The following LRBA variants were observed in gnomAD, a reference collection of about 807,000 sequenced individuals.
The protein encoded by LRBA is lipopolysaccharide-responsive and beige-like anchor protein.
A neutral mutation model predicts 330.0 loss-of-function variants in LRBA; 176 were observed. The ratio of observed to expected loss-of-function variants is 0.53; its 90% confidence interval spans 0.47 to 0.60. The LOEUF (loss-of-function observed/expected upper bound fraction) is 0.60. LRBA is among the 20% of genes least tolerant of loss of function. LRBA has a pLI of 0.00. For missense variants in LRBA, 3,259 were observed against 3,444.8 expected, an observed-to-expected ratio of 0.95 and a Z score of 1.35; for synonymous variants, 1,230 against 1,193.0, an observed-to-expected ratio of 1.03 and a Z score of -0.64.
intron 46 of LRBA, among the ~76,000 whole-genome samples, chr4:150,435,340 GACTC>G (rs1750973923): frequency 6.6e-6 from 1 of 151,902 alleles, no homozygotes; most frequent in Admixed American, 6.6e-5. Context: ...GACAGAGCAA[GACTC>G]TGTCTCCAAA....
At chr4:150,783,148 C>A (rs1738518208) in intron 34 of LRBA, among the ~76,000 whole-genome samples, 2 of 152,180 alleles carry the variant, frequency 1.3e-5, no homozygotes, top group Admixed American at 6.5e-5. Context: ...CTTAAGGCAG[C>A]AGTCCAGATT....
intron 47 of LRBA, among the ~76,000 whole-genome samples, chr4:150,388,518 C>T (rs1319363955): frequency 6.6e-6 from 1 of 152,144 alleles, no homozygotes; most frequent in African/African-American, 2.4e-5. Flanking sequence ...CATCTTTAGG[C>T]AAAATTCCTT....
intron 34 of LRBA, among the ~76,000 whole-genome samples, chr4:150,765,379 G>C (rs1735632872): frequency 6.6e-6 from 1 of 152,058 alleles, no homozygotes; most frequent in East Asian, 1.9e-4. Context: ...CACAACACCA[G>C]AGTGAACCCT....
At chr4:151,006,178 C>A (rs1007742886) in intron 2 of LRBA, among the ~76,000 whole-genome samples, 1 of 151,988 alleles carries the variant, frequency 6.6e-6, no homozygotes, top group Non-Finnish European at 1.5e-5. Context: ...CCCGTCTCTA[C>A]TAAAAATACA....
rs190823644 is a variant in LRBA, at chr4:150,893,175, T to C, written c.2068-26A>G. The C allele has an allele frequency of 8.8e-3, 12,582 of 1,437,562 alleles. 83 individuals carry two copies. Among genetic ancestry groups the C allele is most frequent in the Non-Finnish European group, 0.011 (11,257 of 1,043,914 alleles). The allele number at this position is 1,437,562 out of a possible 1,614,324, so 89.1% of individuals were successfully genotyped here. A position where few individuals can be genotyped will look rare whatever the true frequency, so the allele number is the denominator to read the frequency against. ...CTATAATCATTTTAGAAATTTTTTT[T>C]AAAAAATGAGGAAAAAACAACTTAG... On this transcript the variant is annotated intron_variant, in intron 16 of 56. Transcript: ENST00000651943.
intron 47 of LRBA, among the ~76,000 whole-genome samples, chr4:150,367,153 T>C (rs1739572646): frequency 6.6e-6 from 1 of 152,212 alleles, no homozygotes; most frequent in African/African-American, 2.4e-5. Context: ...TTTTTTAAAT[T>C]TTCCTTTCTT....
chr4:150,324,011 G>A (rs913414632), intron 49 of LRBA, among the ~76,000 whole-genome samples: 3 of 152,124 alleles, frequency 2.0e-5, no homozygotes, highest in Non-Finnish European at 4.4e-5. Flanking sequence ...TGGACAAAGC[G>A]AAAAACACAA....
intron 36 of LRBA, among the ~76,000 whole-genome samples, chr4:150,718,779 A>G (rs536686951): frequency 1.3e-4 from 20 of 152,254 alleles, no homozygotes; most frequent in African/African-American, 4.6e-4. Context: ...GAAAAACTAT[A>G]TTAGACAAAA....
intron 34 of LRBA, among the ~76,000 whole-genome samples, chr4:150,769,113 A>T (rs994026174): frequency 6.6e-6 from 1 of 151,212 alleles, no homozygotes; most frequent in African/African-American, 2.4e-5. Context: ...ATTTTTTATT[A>T]TTATTATTTT....
At chr4:150,808,836 A>C (rs748006076) in intron 31 of LRBA, among the ~76,000 whole-genome samples, 3 of 152,230 alleles carry the variant, frequency 2.0e-5, no homozygotes, top group African/African-American at 7.2e-5. Context: ...CTAAAGGACT[A>C]AATTGTAGCA....
At position 150,437,088 on chromosome 4, in the gene LRBA, A is replaced by G. The variant is rs111392453; in HGVS notation, c.6781-224T>C. Among the ~76,000 whole-genome samples, 242 of 152,298 alleles carry G rather than the reference A, an allele frequency of 1.6e-3. 4 individuals carry two copies. The highest frequency in any genetic ancestry group is 5.7e-3 in the African/African-American group (236 of 41,562). On this transcript the variant is annotated intron_variant, in intron 44 of 56. Coordinates refer to ENST00000651943, the MANE Select transcript of LRBA (RefSeq NM_001364905.1). ...GAATGGATGAACCCATCATTTCTCC[A>G]TAAGTCTAGTTTTCATGGAACATAG...
At chr4:150,521,151 C>A (rs1413627876) in intron 40 of LRBA, among the ~76,000 whole-genome samples, 1 of 152,024 alleles carries the variant, frequency 6.6e-6, no homozygotes, top group Non-Finnish European at 1.5e-5. Context: ...TCAATCTTAT[C>A]AAACTTTTTA....
intron 37 of LRBA, among the ~76,000 whole-genome samples, chr4:150,614,090 G>T (rs1241145014): frequency 2.0e-5 from 3 of 152,216 alleles, no homozygotes; most frequent in Admixed American, 6.5e-5. Context: ...GGCGGGAAAT[G>T]GAATGGGGAG....
chr4:150,423,754 G>A (rs541683994), intron 46 of LRBA: 10 of 177,310 alleles, frequency 5.6e-5, no homozygotes, highest in Non-Finnish European at 9.3e-5. Flanking sequence ...CGTGGGCTCC[G>A]TCCCCTTAGG....
chr4:150,827,394 C>T (rs542465136), intron 30 of LRBA, among the ~76,000 whole-genome samples: 3 of 152,214 alleles, frequency 2.0e-5, no homozygotes, highest in African/African-American at 7.2e-5. Flanking sequence ...TGTAAATTTA[C>T]ACCAAGTGTG....
At chr4:150,910,037 C>A (rs954445208) in intron 9 of LRBA, among the ~76,000 whole-genome samples, 28 of 152,050 alleles carry the variant, frequency 1.8e-4, no homozygotes, top group Non-Finnish European at 1.5e-5. Flanking sequence ...TTACAGGATT[C>A]ATATATTCTG....
At chr4:150,744,961 T>A (rs771949045) in intron 35 of LRBA, among the ~76,000 whole-genome samples, 3 of 152,204 alleles carry the variant, frequency 2.0e-5, no homozygotes, top group Non-Finnish European at 4.4e-5. Flanking sequence ...GAGATTCTCC[T>A]GCCACCCCTG....
intron 31 of LRBA, among the ~76,000 whole-genome samples, chr4:150,815,990 TAAAAG>T (rs1336611459): frequency 6.6e-6 from 1 of 151,858 alleles, no homozygotes; most frequent in African/African-American, 2.4e-5. Flanking sequence ...CAATAACAAA[TAAAAG>T]AGAAGACAAA....
chr4:150,581,193 T>C (rs563860151), intron 40 of LRBA: 6 of 270,900 alleles, frequency 2.2e-5, no homozygotes, highest in Admixed American at 1.8e-4. Context: ...AAAATAATGG[T>C]ATTAAATACA....
Sources: allele counts gnomAD v4.1 joint callset (sites outside exome capture counted in the v4.1 genomes callset), GRCh38; gene constraint gnomAD v4.1.1; transcripts MANE v1.5; gene names NCBI Gene and HGNC (gene_info 2026-07-23, HGNC 2026-07-21).